Variants in SCAF4 observed in about 807,000 individuals in gnomAD.
SCAF4 encodes the protein SR-related and CTD-associated factor 4.
SCAF4 carries 25 observed loss-of-function variants against 129.8 expected under a neutral mutation model. That is an observed-to-expected ratio of 0.19 (90% CI 0.14 to 0.27). The LOEUF (loss-of-function observed/expected upper bound fraction) is 0.27, where lower values mean the gene tolerates loss of function less well. Ranked by LOEUF, SCAF4 falls within the 10% of genes least tolerant of loss-of-function variation. The pLI is 1.00. For synonymous variants in SCAF4, 551 were observed against 497.7 expected (o/e 1.11, Z -1.43); for missense variants, 1,246 against 1,457.1 (o/e 0.86, Z 2.36).
At chr21:31,708,581 T>C (rs1013881867) in intron 1 of SCAF4, among the ~76,000 whole-genome samples, 1 of 152,200 alleles carries the variant, frequency 6.6e-6, no homozygotes, top group African/African-American at 2.4e-5. Context: ...TTGCTTATTA[T>C]TGTTCTATTT....
intron 1 of SCAF4, among the ~76,000 whole-genome samples, chr21:31,711,432 T>C (rs546362905): frequency 7.9e-5 from 12 of 152,286 alleles, no homozygotes; most frequent in African/African-American, 2.6e-4. Context: ...AGGATATGAA[T>C]TGATATACTT....
chr21:31,702,062 C>A, intron 5 of SCAF4, 144 bp from the exon 6 acceptor site: 1 of 1,222,454 alleles, frequency 8.2e-7, no homozygotes, highest in South Asian at 1.4e-5. Flanking sequence ...TATACTGTAA[C>A]AACTACCAGA....
intron 19 of SCAF4, among the ~76,000 whole-genome samples, chr21:31,672,872 A>C (rs751473789): frequency 6.6e-6 from 1 of 152,256 alleles, no homozygotes; most frequent in East Asian, 1.9e-4. Context: ...CACTTAGTCC[A>C]TATTATTAAA....
intron 1 of SCAF4, among the ~76,000 whole-genome samples, chr21:31,714,951 C>T (rs1290840492): frequency 6.6e-6 from 1 of 152,194 alleles, no homozygotes; most frequent in Non-Finnish European, 1.5e-5. Flanking sequence ...CTGGTTAATT[C>T]CCTTTAAGTA....
intron 11 of SCAF4, among the ~76,000 whole-genome samples, chr21:31,693,929 A>G (rs1443837026): frequency 6.6e-6 from 1 of 152,200 alleles, no homozygotes; most frequent in Non-Finnish European, 1.5e-5. Flanking sequence ...AGTTCTTCTA[A>G]TATCACATAC....
chr21:31,703,656 C>T (rs1000457461), intron 4 of SCAF4, 109 bp downstream of exon 4: 16 of 583,624 alleles, frequency 2.7e-5, no homozygotes, highest in South Asian at 7.4e-5. Context: ...TCACAGACAT[C>T]GCTACATGAA....
At chr21:31,679,268 T>C (rs891695062) in intron 19 of SCAF4, among the ~76,000 whole-genome samples, 1 of 152,140 alleles carries the variant, frequency 6.6e-6, no homozygotes, top group Non-Finnish European at 1.5e-5. Context: ...TTTTCCCACA[T>C]GAAGAAAAAG....
At chr21:31,698,150 A>G (rs1226575752) in intron 7 of SCAF4, among the ~76,000 whole-genome samples, 1 of 152,214 alleles carries the variant, frequency 6.6e-6, no homozygotes, top group Non-Finnish European at 1.5e-5. Context: ...TACTGCTTTA[A>G]AATACTTAAA....
At position 31,684,754 on chromosome 21, in the gene SCAF4, A is replaced by G. The variant is rs2050073795; in HGVS notation, c.2488+295T>C. The G allele has an allele frequency of 1.1e-5, 4 of 378,216 alleles. No homozygotes were observed. The South Asian group carries it at 1.1e-4, about 10-fold the overall frequency. 23.4% of individuals were successfully genotyped at this position (378,216 alleles called of 1,614,324 possible). A position where few individuals can be genotyped will look rare whatever the true frequency, so the allele number is the denominator to read the frequency against. ...TTCCTTTGCACAGAGATTACTTTTA[A>G]TCATTTTTCTATACCAAATAAGGAT... On this transcript the variant is annotated intron_variant, in intron 19 of 19. Transcript: ENST00000286835.
chr21:31,696,280 T>A, intron 8 of SCAF4, 59 bp from the exon 9 acceptor site: 1 of 1,293,180 alleles, frequency 7.7e-7, no homozygotes, highest in Non-Finnish European at 1.1e-6. Context: ...CAGCCACACT[T>A]AAATTACAGA....
chr21:31,703,584 A>G (rs1410950257), intron 4 of SCAF4, among the ~76,000 whole-genome samples, 181 bp downstream of exon 4: 2 of 152,146 alleles, frequency 1.3e-5, no homozygotes, highest in Non-Finnish European at 2.9e-5. Flanking sequence ...ATAATCCTGA[A>G]GAACTCATAA....
At position 31,727,174 on chromosome 21, in the gene SCAF4, G is replaced by T. The variant is rs532182068; in HGVS notation, c.30+4489C>A. On this transcript the variant is annotated intron_variant, in intron 1 of 19. Coordinates refer to ENST00000286835, the MANE Select transcript of SCAF4 (RefSeq NM_020706.2). ...GTTCACTGCAACCTCTGCCTCCAGG[G>T]TTCAAACAATTCTCCTACTTCAGCC... Among the ~76,000 whole-genome samples, 19 of 152,106 alleles carry T rather than the reference G, an allele frequency of 1.2e-4. No homozygotes were observed. The South Asian group carries it at 3.9e-3, about 32-fold the overall frequency.
intron 1 of SCAF4, among the ~76,000 whole-genome samples, chr21:31,708,087 A>C (rs561498797): frequency 9.8e-5 from 15 of 152,320 alleles, no homozygotes; most frequent in African/African-American, 3.4e-4. Context: ...CTGAAAGGCA[A>C]TTAGAAAAGA....
chr21:31,680,631 T>C (rs976588712), intron 19 of SCAF4, among the ~76,000 whole-genome samples: 6 of 152,280 alleles, frequency 3.9e-5, no homozygotes, highest in Admixed American at 1.3e-4. Flanking sequence ...AACACAAAAA[T>C]TGTTTTTTAA....
At chr21:31,720,480 T>G (rs559894244) in intron 1 of SCAF4, among the ~76,000 whole-genome samples, 23 of 152,286 alleles carry the variant, frequency 1.5e-4, no homozygotes, top group African/African-American at 5.3e-4. Context: ...ATAAAAGCTG[T>G]TCACTGAGTC....
At chr21:31,682,252 G>A (rs1270694894) in intron 19 of SCAF4, among the ~76,000 whole-genome samples, 5 of 151,936 alleles carry the variant, frequency 3.3e-5, no homozygotes, top group African/African-American at 1.2e-4. Flanking sequence ...GGTGGCACGC[G>A]CCTGTAGTCC....
Position 31,685,737 on chromosome 21 carries a change from G to C in SCAF4, c.2044-4C>G, listed in dbSNP as rs759740671. ...GACCCGGTTGATGTGGTGGGACCTA[G>C]AAAGAAAGATAAAAGAATAAACCAC... On this transcript the variant is annotated splice_polypyrimidine_tract_variant and splice_region_variant and intron_variant, in intron 16 of 19. Transcript: ENST00000286835. 2.5e-6 allele frequency: 4 copies of C among 1,569,530 alleles called. No individual in the cohort carries two copies. The African/African-American group carries it at 4.1e-5, about 16-fold the overall frequency.
intron 9 of SCAF4, among the ~76,000 whole-genome samples, chr21:31,695,457 T>C (rs1028327465): frequency 2.6e-5 from 4 of 152,176 alleles, no homozygotes; most frequent in African/African-American, 9.7e-5. Flanking sequence ...AGTATCATAA[T>C]AATAATGAAA....
chr21:31,723,627 T>TGTGTGC (rs2051129191), intron 1 of SCAF4, among the ~76,000 whole-genome samples: 1 of 142,574 alleles, frequency 7.0e-6, no homozygotes, highest in African/African-American at 2.5e-5. Context: ...TGTGTGTGTG[T>TGTGTGC]GTGCGCGCGC....
Sources: allele counts gnomAD v4.1 joint callset (sites outside exome capture counted in the v4.1 genomes callset), GRCh38; gene constraint gnomAD v4.1.1; transcripts MANE v1.5; gene names NCBI Gene and HGNC (gene_info 2026-07-23, HGNC 2026-07-21).